The following PDZRN4 variants were observed in gnomAD, a reference collection of about 807,000 sequenced individuals.
The protein encoded by PDZRN4 is PDZ domain-containing RING finger protein 4.
Under a neutral mutation model 99.0 loss-of-function variants are expected in PDZRN4, and 70 were observed. That is an observed-to-expected ratio of 0.71 (90% CI 0.58 to 0.86). The LOEUF (loss-of-function observed/expected upper bound fraction) is 0.86, where lower values mean the gene tolerates loss of function less well. PDZRN4 is among the 40% of genes least tolerant of loss of function. PDZRN4 has a pLI of 0.00. For synonymous variants in PDZRN4, 551 were observed against 501.6 expected, an observed-to-expected ratio of 1.10 and a Z score of -1.32; for missense variants, 1,474 against 1,331.2, an observed-to-expected ratio of 1.11 and a Z score of -1.67.
rs1455593975 is a variant in PDZRN4 at position 41,308,868 on chromosome 12, T to C, written c.843+114680T>C. Among the ~76,000 whole-genome samples the C allele has an allele frequency of 9.2e-5, 14 of 152,286 alleles. No homozygotes were observed. In the South Asian group the frequency reaches 2.1e-3, roughly 23 times the overall value. On this transcript the variant is annotated intron_variant, in intron 3 of 9. Transcript: ENST00000402685. The stretch of plus-strand genomic sequence containing the variant: ...GGGAATAAAGAATACTATTCATTAT[T>C]TTCTTCCTAAGAAACCATTATGCAG...
intron 3 of PDZRN4, among the ~76,000 whole-genome samples, chr12:41,470,660 C>A (rs1433875550): frequency 6.6e-6 from 1 of 152,178 alleles, no homozygotes; most frequent in Non-Finnish European, 1.5e-5. Flanking sequence ...CCTCCCGCCA[C>A]CCCACAACCG....
In PDZRN4 at chr12:41,205,378, G is replaced by A. The variant is rs76699760; in HGVS notation, c.843+11190G>A. Among the ~76,000 whole-genome samples, 148 of 151,784 alleles carry A rather than the reference G, an allele frequency of 9.8e-4. 1 individual carries two copies. The highest frequency in any genetic ancestry group is 3.5e-3 in the African/African-American group (146 of 41,444). ...TATAATTCCTGAAAACCTTCCCTGC[G>A]CATGGGATAAAATGTAAGGTTCTTA... On this transcript the variant is annotated intron_variant, in intron 3 of 9. Coordinates refer to ENST00000402685, the MANE Select transcript of PDZRN4 (RefSeq NM_001164595.2).
intron 3 of PDZRN4, among the ~76,000 whole-genome samples, chr12:41,491,808 C>A (rs1272276847): frequency 1.3e-5 from 2 of 152,174 alleles, no homozygotes; most frequent in Non-Finnish European, 2.9e-5. Context: ...AGAGCTACTT[C>A]TGATCATATG....
intron 3 of PDZRN4, among the ~76,000 whole-genome samples, chr12:41,213,214 A>G (rs916841655): frequency 6.6e-6 from 1 of 152,066 alleles, no homozygotes; most frequent in East Asian, 1.9e-4. Context: ...TACCATTTTA[A>G]GAAATCATTC....
intron 3 of PDZRN4, among the ~76,000 whole-genome samples, chr12:41,223,655 G>T (rs1527086): frequency 0.59 from 89,241 of 151,982 alleles, 26,492 homozygotes; most frequent in Middle Eastern, 0.68. Flanking sequence ...TCTTGAAGTG[G>T]TCACTTAGGA....
At chr12:41,476,558 G>T (rs562895386) in intron 3 of PDZRN4, among the ~76,000 whole-genome samples, 1 of 152,248 alleles carries the variant, frequency 6.6e-6, no homozygotes, top group South Asian at 2.1e-4. Context: ...AAGGCCTATA[G>T]AGCCTCCCCT....
At chr12:41,210,477 A>C (rs996241868) in intron 3 of PDZRN4, among the ~76,000 whole-genome samples, 3 of 152,014 alleles carry the variant, frequency 2.0e-5, no homozygotes, top group Non-Finnish European at 2.9e-5. Flanking sequence ...GGGAAGTGTT[A>C]AAATATACTT....
intron 3 of PDZRN4, among the ~76,000 whole-genome samples, chr12:41,252,947 A>G (rs1306815820): frequency 6.6e-6 from 1 of 152,114 alleles, no homozygotes; most frequent in Non-Finnish European, 1.5e-5. Flanking sequence ...ATTGTATGTA[A>G]ATTATATCTC....
chr12:41,207,763 C>G (rs1950861600), intron 3 of PDZRN4, among the ~76,000 whole-genome samples: 1 of 151,828 alleles, frequency 6.6e-6, no homozygotes, highest in Non-Finnish European at 1.5e-5. Context: ...ATAATTTAAA[C>G]TTTGACATGG....
chr12:41,254,697 A>G (rs1951192581), intron 3 of PDZRN4, among the ~76,000 whole-genome samples: 1 of 152,260 alleles, frequency 6.6e-6, no homozygotes. Flanking sequence ...AGAAATTAAA[A>G]TGCTGTGCAA....
At chr12:41,233,795 G>T (rs1165845066) in intron 3 of PDZRN4, among the ~76,000 whole-genome samples, 1 of 152,022 alleles carries the variant, frequency 6.6e-6, no homozygotes, top group East Asian at 1.9e-4. Context: ...TTGTGTGGTG[G>T]GGGGAGCGGG....
chr12:41,200,031 TAA>T (rs1163935569), intron 3 of PDZRN4, among the ~76,000 whole-genome samples: 4 of 152,170 alleles, frequency 2.6e-5, no homozygotes, highest in African/African-American at 9.6e-5. Flanking sequence ...AAATACATTT[TAA>T]AAAGAGTGTA....
At chr12:41,550,605 T>C (rs285589) in intron 5 of PDZRN4, among the ~76,000 whole-genome samples, 34,808 of 152,068 alleles carry the variant, frequency 0.23, 5,120 homozygotes, top group African/African-American at 0.42. Flanking sequence ...GTTTCACCTT[T>C]TCTCTTTACT....
At chr12:41,216,408 T>C (rs984750094) in intron 3 of PDZRN4, among the ~76,000 whole-genome samples, 3 of 151,966 alleles carry the variant, frequency 2.0e-5, no homozygotes, top group South Asian at 2.1e-4. Context: ...GGATTCTATA[T>C]AGACCTTGAA....
At chr12:41,494,678 G>T (rs988740913) in intron 3 of PDZRN4, among the ~76,000 whole-genome samples, 2 of 151,996 alleles carry the variant, frequency 1.3e-5, no homozygotes, top group East Asian at 3.9e-4. Flanking sequence ...AAAGTTAAGG[G>T]CATGGTGTTG....
intron 3 of PDZRN4, among the ~76,000 whole-genome samples, chr12:41,404,829 C>T (rs866101786): frequency 4.0e-5 from 6 of 149,064 alleles, no homozygotes; most frequent in East Asian, 3.9e-4. Context: ...TGAAGTCATA[C>T]GCTTACATCT....
At chr12:41,532,376 C>A (rs963765435) in intron 5 of PDZRN4, among the ~76,000 whole-genome samples, 1 of 152,086 alleles carries the variant, frequency 6.6e-6, no homozygotes, top group African/African-American at 2.4e-5. Context: ...TTTATTCTTA[C>A]AAATATCTTC....
intron 2 of PDZRN4, among the ~76,000 whole-genome samples, chr12:41,192,261 G>A (rs142629988): frequency 4.6e-5 from 7 of 151,906 alleles, no homozygotes; most frequent in African/African-American, 1.5e-4. Context: ...GTGCCACCAC[G>A]CCCAGCTAAT....
chr12:41,378,917 T>C (rs1487296218), intron 3 of PDZRN4, among the ~76,000 whole-genome samples: 1 of 152,190 alleles, frequency 6.6e-6, no homozygotes, highest in Non-Finnish European at 1.5e-5. Context: ...CTGGGGATAC[T>C]GGGACTCTCA....
Sources: gnomAD v4.1 joint callset for allele counts (sites outside exome capture counted in the v4.1 genomes callset) on GRCh38, gnomAD v4.1.1 for gene constraint, MANE v1.5 for transcripts, NCBI Gene and HGNC (gene_info 2026-07-23, HGNC 2026-07-21) for gene names.